Variants in MDN1 observed in about 807,000 individuals in gnomAD.
MDN1 encodes midasin AAA ATPase 1, also known as midasin.
MDN1 carries 266 observed loss-of-function variants against 669.2 expected under a neutral mutation model. The ratio of observed to expected loss-of-function variants is 0.40; its 90% CI spans 0.36 to 0.44. MDN1 has a LOEUF of 0.44. Among genes scored for constraint, MDN1 ranks in the 20% least tolerant of loss-of-function variants. The pLI is 1.00. For synonymous variants in MDN1, 2,385 were observed against 2,457.1 expected, an observed-to-expected ratio of 0.97 and a Z score of 0.87; for missense variants, 5,940 against 6,754.0, an observed-to-expected ratio of 0.88 and a Z score of 4.22.
rs1164509113 is a variant in MDN1, at chr6:89,662,783, T to G, written c.14412+9A>C. ...AGCTTGTTTGGGAGGGGAGAAATCTTTGAATTACCTCATCCATTCCTGGTC... is the reference window on the plus strand; with the variant it reads ...AGCTTGTTTGGGAGGGGAGAAATCTGTGAATTACCTCATCCATTCCTGGTC... On this transcript the variant is annotated intron_variant, in intron 86 of 101. Coordinates refer to ENST00000369393, the MANE Select transcript of MDN1 (RefSeq NM_014611.3). 1 of 1,613,784 alleles carries G rather than the reference T, an allele frequency of 6.2e-7. No homozygotes were observed. The highest frequency in any genetic ancestry group is 2.2e-5 in the East Asian group (1 of 44,878).
intron 96 of MDN1, 69 bp downstream of exon 96, chr6:89,650,663 G>A (rs1808787337): frequency 4.8e-6 from 6 of 1,239,776 alleles, no homozygotes; most frequent in Non-Finnish European, 7.0e-6. Flanking sequence ...TAGGTGCCGC[G>A]TTCAACAGAA....
At chr6:89,752,890 C>T (rs983324484) in intron 22 of MDN1, among the ~76,000 whole-genome samples, 3 of 151,958 alleles carry the variant, frequency 2.0e-5, no homozygotes, top group African/African-American at 7.3e-5. Context: ...TTTGGGAGGC[C>T]GAGGTGGACG....
At chr6:89,712,418 C>T (rs912081532) in intron 48 of MDN1, among the ~76,000 whole-genome samples, 157 bp downstream of exon 48, 1 of 152,098 alleles carries the variant, frequency 6.6e-6, no homozygotes, top group Non-Finnish European at 1.5e-5. Context: ...AATAAATAAT[C>T]AATAGGGAGC....
intron 15 of MDN1, 65 bp from the exon 16 acceptor site, chr6:89,762,595 G>A: frequency 7.9e-7 from 1 of 1,268,654 alleles, no homozygotes; most frequent in Non-Finnish European, 1.1e-6. Context: ...AGAAAGCATG[G>A]CTCAGAAAAC....
At chr6:89,655,684 T>C in intron 92 of MDN1, 80 bp downstream of exon 92, 1 of 1,266,412 alleles carries the variant, frequency 7.9e-7, no homozygotes, top group Non-Finnish European at 1.1e-6. Flanking sequence ...CACAAATACG[T>C]ATCATTATTA....
At position 89,672,320 on chromosome 6, in the gene MDN1, T is replaced by A; in HGVS notation, c.13674A>T (p.Leu4558Phe). The change falls in exon 82 of 102, where the codon TTA becomes TTT. Residue 4558 changes from leucine (L) to phenylalanine (F), a missense_variant. Transcript: ENST00000369393. ...RLQSGHLTKL[L>F]EDDFWADVST... ...TCACATCGGCCCAGAAGTCATCCTC[T>A]AAGAGTTTTGTTAGATGTCCTGATT... 6.2e-7 allele frequency: 1 copy of A among 1,612,584 alleles called. No individual in the cohort carries two copies. Among genetic ancestry groups the A allele is most frequent in the South Asian group, 1.1e-5 (1 of 90,552 alleles).
chr6:89,673,552 G>A, intron 79 of MDN1, 90 bp from the exon 80 acceptor site: 1 of 1,137,598 alleles, frequency 8.8e-7, no homozygotes, highest in South Asian at 1.4e-5. Flanking sequence ...AGATATGCAA[G>A]GTAGAACTCA....
intron 29 of MDN1, 124 bp downstream of exon 29, chr6:89,745,149 A>AAAG (rs1554190745): frequency 3.9e-6 from 4 of 1,033,986 alleles, no homozygotes; most frequent in African/African-American, 3.4e-5. Context: ...AAAAAAAAAA[A>AAAG]AAAGAAAAAA....
At chr6:89,723,485 A>G in intron 39 of MDN1, 27 bp downstream of exon 39, 1 of 1,351,450 alleles carries the variant, frequency 7.4e-7, no homozygotes, top group Non-Finnish European at 1.0e-6. Flanking sequence ...CAGAAAAAAA[A>G]AGAAACCAAT....
At chr6:89,814,899 G>T in intron 1 of MDN1, 1 of 491,322 alleles carries the variant, frequency 2.0e-6, no homozygotes. Context: ...CTAGAAACCA[G>T]GGTCAGGGCA....
At chr6:89,710,944 G>T in intron 49 of MDN1, 150 bp from the exon 50 acceptor site, 1 of 548,100 alleles carries the variant, frequency 1.8e-6, no homozygotes. Flanking sequence ...TAAAGGACTG[G>T]ATTTTTTATT....
chr6:89,758,724 G>T, intron 18 of MDN1, 92 bp downstream of exon 18: 1 of 1,377,026 alleles, frequency 7.3e-7, no homozygotes, highest in Non-Finnish European at 1.0e-6. Context: ...GGAGGCCCAT[G>T]TCATCCTTCT....
rs1330101752 is a variant in MDN1, at chr6:89,678,565, C to G, written c.12412+34G>C. Reference sequence around the variant, plus strand: ...CATTTCTCTCCCTAAAAGTTGGTGACTACATTTCATTGGGTTTCAAGTGAG... The same window carrying G: ...CATTTCTCTCCCTAAAAGTTGGTGAGTACATTTCATTGGGTTTCAAGTGAG... On this transcript the variant is annotated intron_variant, in intron 75 of 101. Coordinates refer to ENST00000369393, the MANE Select transcript of MDN1 (RefSeq NM_014611.3). 3 of 1,607,080 alleles carry G rather than the reference C, an allele frequency of 1.9e-6. No individual in the cohort carries two copies. The East Asian group carries it at 6.7e-5, about 36-fold the overall frequency.
At position 89,730,788 on chromosome 6, in the gene MDN1, T is replaced by C. The variant is rs1405381366; in HGVS notation, c.5078A>G (p.Lys1693Arg). 1 of 1,614,156 alleles carries C rather than the reference T, an allele frequency of 6.2e-7. No homozygotes were observed. Among genetic ancestry groups the C allele is most frequent in the South Asian group, 1.1e-5 (1 of 91,078 alleles). ...KNELKIYDRMKAKEFTGIDNL... is the reference protein window; with the variant it reads ...KNELKIYDRMRAKEFTGIDNL... Reference sequence around the variant, plus strand: ...ATCTATTCCAGTGAATTCTTTGGCCTTCATTCTGTCATAAATCTTCAACTC... The same window carrying C: ...ATCTATTCCAGTGAATTCTTTGGCCCTCATTCTGTCATAAATCTTCAACTC... Residue 1693 changes from lysine to arginine, a missense_variant, in exon 35 of 102, where the codon AAG (lysine) becomes AGG (arginine). Physicochemically the swap from Lys to Arg is conservative, Grantham distance 26. Transcript: ENST00000369393.
intron 35 of MDN1, among the ~76,000 whole-genome samples, chr6:89,729,596 TG>T (rs2128314791): frequency 6.6e-6 from 1 of 152,266 alleles, no homozygotes; most frequent in Non-Finnish European, 1.5e-5. Context: ...GTAAGTTAAC[TG>T]ATATGCAGGA....
chr6:89,717,329 T>C (rs971351866), intron 43 of MDN1, among the ~76,000 whole-genome samples: 2 of 152,218 alleles, frequency 1.3e-5, no homozygotes, highest in Admixed American at 6.5e-5. Flanking sequence ...CACAAGGTAA[T>C]ACACATTGGA....
chr6:89,761,653 A>G lies in MDN1; in HGVS notation c.2452T>C (p.Phe818Leu), dbSNP rs763991261. The change falls in exon 17 of 102, where the codon TTT (phenylalanine) becomes CTT (leucine). Residue 818 changes from phenylalanine to leucine, a missense_variant. Phe to Leu is a conservative substitution (Grantham distance 22). This residue lies in a region of MDN1 where 1,203 missense variants were observed against 1,268.9 expected (regional missense o/e 0.95). Transcript: ENST00000369393. Reference sequence around the variant, plus strand: ...AACAAAAACAGAAATACCTCTACAAATGCGAACAATAAGGTATTTTCAGTC... The same window carrying G: ...AACAAAAACAGAAATACCTCTACAAGTGCGAACAATAAGGTATTTTCAGTC... ...KMTENTLLFA[F>L]VEGTLAQAVK... is the part of the protein sequence containing the mutation. The G allele has an allele frequency of 6.2e-7, 1 of 1,606,128 alleles. No homozygotes were observed. The highest frequency in any genetic ancestry group is 1.1e-5 in the South Asian group (1 of 89,722).
At position 89,799,040 on chromosome 6, in the gene MDN1, A is replaced by G. The variant is rs1767462173; in HGVS notation, c.330-4239T>C. Among the ~76,000 whole-genome samples the G allele has an allele frequency of 2.0e-5, 3 of 152,226 alleles. No individual in the cohort carries two copies. In the South Asian group the frequency reaches 6.2e-4, roughly 31 times the overall value. On this transcript the variant is annotated intron_variant, in intron 2 of 101. Coordinates refer to ENST00000369393, the MANE Select transcript of MDN1 (RefSeq NM_014611.3). ...TTCTTGGAGAGGAAGAAAAGTCTAA[A>G]AACAAATACAAGATGTTACCTTTAA...
rs543932749 is a variant in MDN1 at position 89,723,320 on chromosome 6, T to C, written c.5779-177A>G. 2.2e-3 allele frequency among the ~76,000 whole-genome samples: 339 copies of C among 152,338 alleles called. 1 individual carries two copies. The highest frequency in any genetic ancestry group is 7.9e-3 in the African/African-American group (327 of 41,574). On this transcript the variant is annotated intron_variant, in intron 39 of 101. Coordinates refer to ENST00000369393, the MANE Select transcript of MDN1 (RefSeq NM_014611.3). ...TGGCTTATCCTCTAAGCATTAACAC[T>C]GGTAGTCACAATACAGAAATGAATT...
Sources: allele counts gnomAD v4.1 joint callset (sites outside exome capture counted in the v4.1 genomes callset), GRCh38; gene constraint gnomAD v4.1.1; regional missense constraint gnomAD v4.1.1; transcripts MANE v1.5; gene names NCBI Gene and HGNC (gene_info 2026-07-23, HGNC 2026-07-21).